S100Z: variants seen among roughly 807,000 people sequenced by gnomAD.
S100Z encodes S100 calcium binding protein Z, also known as protein S100-Z.
S100Z carries 11 observed loss-of-function variants against 8.5 expected under a neutral mutation model. The observed-to-expected ratio is 1.30, with a 90% CI of 0.82 to 2.15. S100Z has a LOEUF of 2.15. S100Z is among the 30% of genes most tolerant of loss of function. The pLI, the probability that S100Z is intolerant of heterozygous loss-of-function variation, is 0.00. For missense variants in S100Z, 126 were observed against 117.9 expected, an observed-to-expected ratio of 1.07 and a Z score of -0.32; for synonymous variants, 34 against 43.8, an observed-to-expected ratio of 0.78 and a Z score of 0.89.
At chr5:76,860,210 C>T (rs745904542) in intron 1 of S100Z, among the ~76,000 whole-genome samples, 1 of 152,124 alleles carries the variant, frequency 6.6e-6, no homozygotes, top group African/African-American at 2.4e-5. Context: ...GAGAAGACCG[C>T]TCCCATTGTG....
the S100Z span, among the ~76,000 whole-genome samples, chr5:76,945,634 C>T: frequency 3.9e-5 from 6 of 152,234 alleles, no homozygotes; most frequent in African/African-American, 1.4e-4. Context: ...TGTGCACATC[C>T]AGGCATAGTA....
At chr5:76,919,602 T>C (rs1744974269) in intron 4 of S100Z, among the ~76,000 whole-genome samples, 1 of 143,938 alleles carries the variant, frequency 6.9e-6, no homozygotes, top group South Asian at 2.3e-4. Context: ...CTCTCTTTCT[T>C]TTTCTCTTCC....
intron 3 of S100Z, among the ~76,000 whole-genome samples, chr5:76,876,818 C>T (rs2150642501): frequency 6.6e-6 from 1 of 152,258 alleles, no homozygotes; most frequent in Non-Finnish European, 1.5e-5. Context: ...TAATGGTTAG[C>T]AGAAAATGAG....
chr5:76,919,612 CTT>C (rs1160477384), intron 4 of S100Z, among the ~76,000 whole-genome samples: 8 of 118,330 alleles, frequency 6.8e-5, no homozygotes, highest in Admixed American at 9.9e-5. Flanking sequence ...TTTTCTCTTC[CTT>C]TTTTTTTTTT....
At chr5:76,859,282 T>C (rs1750979023) in intron 1 of S100Z, among the ~76,000 whole-genome samples, 1 of 152,280 alleles carries the variant, frequency 6.6e-6, no homozygotes, top group East Asian at 1.9e-4. Flanking sequence ...GAACCCAGTG[T>C]TGACTAAGAT....
intron 1 of S100Z, among the ~76,000 whole-genome samples, chr5:76,857,386 T>G (rs1414054865): frequency 6.6e-6 from 1 of 152,238 alleles, no homozygotes; most frequent in Admixed American, 6.5e-5. Context: ...CCCAGTAATA[T>G]GAGGATGCAC....
chr5:76,903,223 T>C (rs1026696367), intron 4 of S100Z, among the ~76,000 whole-genome samples: 1 of 152,170 alleles, frequency 6.6e-6, no homozygotes, highest in African/African-American at 2.4e-5. Context: ...TTGCTTTTCA[T>C]CATCACCAGA....
chr5:76,891,548 G>T (rs1391966863), intron 4 of S100Z, among the ~76,000 whole-genome samples: 7 of 152,156 alleles, frequency 4.6e-5, no homozygotes, highest in African/African-American at 1.7e-4. Flanking sequence ...TCAGTAAGTC[G>T]GGGTGGAGCC....
downstream of S100Z, among the ~76,000 whole-genome samples, chr5:76,923,254 A>G (rs1745080065): frequency 6.6e-6 from 1 of 152,140 alleles, no homozygotes; most frequent in Non-Finnish European, 1.5e-5. Context: ...ATTTCCCCCC[A>G]TGCCTATGTT....
intron 4 of S100Z, among the ~76,000 whole-genome samples, chr5:76,913,133 C>T (rs1384301918): frequency 6.6e-6 from 1 of 152,226 alleles, no homozygotes. Context: ...TCCAATACCA[C>T]CTTGTTGTCA....
At chr5:76,884,553 TG>T (rs371030121) in intron 4 of S100Z, among the ~76,000 whole-genome samples, 21 of 152,260 alleles carry the variant, frequency 1.4e-4, no homozygotes, top group African/African-American at 5.1e-4. Context: ...ATATATTTAG[TG>T]GGGTCTGATG....
downstream of S100Z, among the ~76,000 whole-genome samples, chr5:76,925,969 G>A (rs1745131165): frequency 6.6e-6 from 1 of 152,014 alleles, no homozygotes; most frequent in Non-Finnish European, 1.5e-5. Flanking sequence ...TCCATCTTAA[G>A]AAACAAAATA....
chr5:76,878,954 T>A (rs1027806891), intron 4 of S100Z, among the ~76,000 whole-genome samples: 1 of 152,216 alleles, frequency 6.6e-6, no homozygotes, highest in Non-Finnish European at 1.5e-5. Context: ...ATCTGATATC[T>A]GTTCTTCCTT....
At chr5:76,884,621 A>G (rs1379238430) in intron 4 of S100Z, among the ~76,000 whole-genome samples, 1 of 152,232 alleles carries the variant, frequency 6.6e-6, no homozygotes, top group African/African-American at 2.4e-5. Context: ...AAAAAGGAGC[A>G]TTAACGTTGA....
intron 1 of S100Z, among the ~76,000 whole-genome samples, chr5:76,869,502 A>G (rs1294693650): frequency 6.6e-6 from 1 of 152,180 alleles, no homozygotes; most frequent in Non-Finnish European, 1.5e-5. Context: ...TCCCAACACC[A>G]TGGTCAGTTT....
the S100Z span, among the ~76,000 whole-genome samples, chr5:76,943,505 G>A: frequency 0.65 from 98,674 of 152,022 alleles, 32,244 homozygotes; most frequent in South Asian, 0.77. Flanking sequence ...TTAGAGGCCT[G>A]ATAGCTCCAG....
intron 4 of S100Z, among the ~76,000 whole-genome samples, chr5:76,880,843 C>T (rs1048476351): frequency 6.6e-6 from 1 of 152,086 alleles, no homozygotes; most frequent in African/African-American, 2.4e-5. Context: ...TATACAGAGT[C>T]CCCTTTTTTT....
chr5:76,915,594 C>T (rs1005516780), intron 4 of S100Z, among the ~76,000 whole-genome samples: 3 of 151,008 alleles, frequency 2.0e-5, no homozygotes, highest in African/African-American at 4.9e-5. Context: ...GGCAACAGAG[C>T]GAGACTCCGT....
chr5:76,940,372 T>C, the S100Z span, among the ~76,000 whole-genome samples: 1 of 151,640 alleles, frequency 6.6e-6, no homozygotes, highest in African/African-American at 2.4e-5. Context: ...GGAATAACTA[T>C]AGGTGAATGT....
Sources: gnomAD v4.1 joint callset for allele counts (sites outside exome capture counted in the v4.1 genomes callset) on GRCh38, gnomAD v4.1.1 for gene constraint, MANE v1.5 for transcripts, NCBI Gene and HGNC (gene_info 2026-07-23, HGNC 2026-07-21) for gene names.